Variants in CLPTM1 observed in about 807,000 individuals in gnomAD.
CLPTM1 encodes the protein putative lipid scramblase CLPTM1.
A neutral mutation model predicts 77.3 loss-of-function variants in CLPTM1; 21 were observed. That is an observed-to-expected ratio of 0.27 (90% confidence interval 0.19 to 0.39). The LOEUF is 0.39. CLPTM1 is among the 10% of genes least tolerant of loss of function. CLPTM1 has a pLI of 1.00. For synonymous variants in CLPTM1, 373 were observed against 381.0 expected (o/e 0.98, Z 0.24); for missense variants, 642 against 921.2 (o/e 0.70, Z 3.92).
At chr19:44,966,134 G>A (rs1268531262) in intron 2 of CLPTM1, among the ~76,000 whole-genome samples, 8 of 152,132 alleles carry the variant, frequency 5.3e-5, no homozygotes, top group Admixed American at 2.6e-4. Flanking sequence ...AATGTGGGCC[G>A]GGCGCGGTGG....
Position 44,990,780 on chromosome 19 carries a change from A to C in CLPTM1, c.1324-70A>C. 1 of 1,389,952 alleles carries C rather than the reference A, an allele frequency of 7.2e-7. No homozygotes were observed. Among genetic ancestry groups the C allele is most frequent in the Non-Finnish European group, 1.0e-6 (1 of 985,296 alleles). The allele number at this position is 1,389,952 out of a possible 1,614,324, so 86.1% of individuals were successfully genotyped here. A position where few individuals can be genotyped will look rare whatever the true frequency, so the allele number is the denominator to read the frequency against. On this transcript the variant is annotated intron_variant, in intron 10 of 13. Transcript: ENST00000337392. This position sits in a 1 kb window ranked among gnomAD's most constrained non-coding sequence, Gnocchi z 4.8. Reference sequence around the variant, plus strand: ...GGAACTGGGAACGGTGGGGAAGGGCAGGGGCTGGTTCTGGCTTGTGGGGTG... The same window carrying C: ...GGAACTGGGAACGGTGGGGAAGGGCCGGGGCTGGTTCTGGCTTGTGGGGTG...
intron 1 of CLPTM1, among the ~76,000 whole-genome samples, chr19:44,961,671 C>T (rs1970545059): frequency 1.3e-5 from 2 of 152,192 alleles, no homozygotes; most frequent in Non-Finnish European, 2.9e-5. Context: ...CCGTTCTGGA[C>T]AGTCACTGTC....
At chr19:44,977,010 C>G (rs1313878711) in intron 4 of CLPTM1, among the ~76,000 whole-genome samples, 1 of 152,172 alleles carries the variant, frequency 6.6e-6, no homozygotes, top group Non-Finnish European at 1.5e-5. Flanking sequence ...AACGAGAGCT[C>G]GTTGACTGAG....
Position 44,992,245 on chromosome 19 carries a change from T to C in CLPTM1, c.1568T>C (p.Met523Thr). The change falls in exon 13 of 14, where the codon ATG (methionine) becomes ACG (threonine). Residue 523 changes from methionine (M) to threonine (T), a missense_variant. Met to Thr is a moderately conservative substitution (Grantham distance 81). Coordinates refer to ENST00000337392, the MANE Select transcript of CLPTM1 (RefSeq NM_001294.4). The surrounding 1 kb of genome is among the most constrained non-coding windows in gnomAD (Gnocchi z 7.7). Reference protein sequence around the residue: ...GFLLTFGFITMTPQLFINYKL... With the variant: ...GFLLTFGFITTTPQLFINYKL... Reference sequence around the variant, plus strand: ...GCTCTCACTGCAGGCTTCATCACCATGACGCCCCAGCTCTTCATCAACTAC... The same window carrying C: ...GCTCTCACTGCAGGCTTCATCACCACGACGCCCCAGCTCTTCATCAACTAC... 2 of 1,614,036 alleles carry C rather than the reference T, an allele frequency of 1.2e-6. No homozygotes were observed. The highest frequency in any genetic ancestry group is 1.7e-6 in the Non-Finnish European group (2 of 1,179,950).
In CLPTM1 at chr19:44,992,422, G is replaced by A; in HGVS notation, c.1723+22G>A. ...GACGGTGAGGCCCGGTGGGCAGGTG[G>A]GAGCTCCCACCGGAACAGGGCCCTG... On this transcript the variant is annotated intron_variant, in intron 13 of 13. Transcript: ENST00000337392. This position sits in a 1 kb window ranked among gnomAD's most constrained non-coding sequence, Gnocchi z 7.7. The A allele has an allele frequency of 6.2e-7, 1 of 1,613,816 alleles. No homozygotes were observed. The highest frequency in any genetic ancestry group is 8.5e-7 in the Non-Finnish European group (1 of 1,179,848).
At chr19:44,984,675 A>G (rs1970950565) in intron 5 of CLPTM1, 1 of 153,088 alleles carries the variant, frequency 6.5e-6, no homozygotes, top group East Asian at 1.9e-4. Context: ...GTTTTTATTT[A>G]TTTGTTTGTT....
At chr19:44,956,168 T>C (rs1200602060) in intron 1 of CLPTM1, among the ~76,000 whole-genome samples, 1 of 152,142 alleles carries the variant, frequency 6.6e-6, no homozygotes, top group African/African-American at 2.4e-5. Flanking sequence ...GGGGAATAGA[T>C]GGAGAGACAT....
intron 5 of CLPTM1, 75 bp downstream of exon 5, chr19:44,977,535 G>C: frequency 8.7e-7 from 1 of 1,148,542 alleles, no homozygotes. Context: ...CTAATGTGGC[G>C]GACAAATCCC....
intron 1 of CLPTM1, among the ~76,000 whole-genome samples, chr19:44,960,409 G>C (rs568345288): frequency 1.4e-4 from 21 of 152,322 alleles, no homozygotes; most frequent in African/African-American, 5.1e-4. Flanking sequence ...AAATGTTCCA[G>C]TATTTTCACA....
chr19:44,982,327 C>T (rs944817596), intron 5 of CLPTM1, among the ~76,000 whole-genome samples: 4 of 149,212 alleles, frequency 2.7e-5, no homozygotes, highest in South Asian at 2.1e-4. Flanking sequence ...CTAGTCTGGG[C>T]GACAGAGCGA....
rs759806597 is a variant in CLPTM1 at position 44,990,017 on chromosome 19, G to A, written c.1133-378G>A. ...CACCATGGTGTGGCACAGACCCCGC[G>A]TCCCTTCAGATTCTGCCATGCCAGG... On this transcript the variant is annotated intron_variant, in intron 9 of 13. Coordinates refer to ENST00000337392, the MANE Select transcript of CLPTM1 (RefSeq NM_001294.4). This position sits in a 1 kb window ranked among gnomAD's most constrained non-coding sequence, Gnocchi z 4.8. 6 of 219,332 alleles carry A rather than the reference G, an allele frequency of 2.7e-5. No homozygotes were observed. Among genetic ancestry groups the A allele is most frequent in the East Asian group, 1.1e-4 (1 of 9,434 alleles). 13.6% of individuals were successfully genotyped at this position (219,332 alleles called of 1,614,324 possible). A position where few individuals can be genotyped will look rare whatever the true frequency, so the allele number is the denominator to read the frequency against.
Position 44,978,513 on chromosome 19 carries a change from G to A in CLPTM1, c.586+1053G>A, listed in dbSNP as rs1600032635. On this transcript the variant is annotated intron_variant, in intron 5 of 13. Transcript: ENST00000337392. The stretch of plus-strand genomic sequence containing the variant: ...CCAGGTATGGTGGTGAGCACCTGTG[G>A]TTCCAGCTACATGGGAGGCTGAGGT... Among the ~76,000 whole-genome samples, 3 of 152,258 alleles carry A rather than the reference G, an allele frequency of 2.0e-5. No homozygotes were observed. The South Asian group carries it at 6.2e-4, about 32-fold the overall frequency.
At chr19:44,975,659 G>A (rs1970795275) in intron 4 of CLPTM1, among the ~76,000 whole-genome samples, 1 of 152,108 alleles carries the variant, frequency 6.6e-6, no homozygotes, top group Non-Finnish European at 1.5e-5. Flanking sequence ...CACCTCCCAG[G>A]TTCAAGCGAT....
chr19:44,974,441 C>T lies in CLPTM1; in HGVS notation c.312C>T (p.Asn104=), dbSNP rs1970773031. Residue 104 remains asparagine (N), a splice_region_variant and synonymous_variant, in exon 4 of 14, where the codon AAC becomes AAT. Coordinates refer to ENST00000337392, the MANE Select transcript of CLPTM1 (RefSeq NM_001294.4). Reference sequence around the variant, plus strand: ...CTGTTCCCTTCCTGTCCCAACAGAACCTGCATGTGTACATCTCAGAGCACG... The same window carrying T: ...CTGTTCCCTTCCTGTCCCAACAGAATCTGCATGTGTACATCTCAGAGCACG... ...RNLFPKDTLM[N]LHVYISEHEH... The T allele has an allele frequency of 1.2e-6, 2 of 1,611,658 alleles. No homozygotes were observed. The highest frequency in any genetic ancestry group is 2.7e-5 in the African/African-American group (2 of 74,886).
At chr19:44,978,280 C>T (rs1970837513) in intron 5 of CLPTM1, among the ~76,000 whole-genome samples, 1 of 152,048 alleles carries the variant, frequency 6.6e-6, no homozygotes, top group Non-Finnish European at 1.5e-5. Context: ...TAGCATGCTC[C>T]TGTAGTCCCA....
chr19:44,968,706 A>G (rs918453670), intron 2 of CLPTM1, among the ~76,000 whole-genome samples: 2 of 152,192 alleles, frequency 1.3e-5, no homozygotes, highest in Non-Finnish European at 2.9e-5. Flanking sequence ...ATGGGGATCT[A>G]GAAGCCCAGA....
At chr19:44,987,765 C>T (rs1600045296) in intron 8 of CLPTM1, 1 of 549,902 alleles carries the variant, frequency 1.8e-6, no homozygotes, top group African/African-American at 1.9e-5. Context: ...GTGTCTGTGG[C>T]GTGAGGCTCG....
chr19:44,965,859 A>G (rs1970620390), intron 2 of CLPTM1, among the ~76,000 whole-genome samples: 1 of 152,226 alleles, frequency 6.6e-6, no homozygotes, highest in Non-Finnish European at 1.5e-5. Context: ...TCCTTTGGCT[A>G]GAATGTCTTC....
At chr19:44,956,819 A>C (rs1251123028) in intron 1 of CLPTM1, among the ~76,000 whole-genome samples, 1 of 152,164 alleles carries the variant, frequency 6.6e-6, no homozygotes, top group Non-Finnish European at 1.5e-5. Flanking sequence ...ATCAAGAGTT[A>C]CCCCTTTGCC....
Sources: gnomAD v4.1 joint callset for allele counts (sites outside exome capture counted in the v4.1 genomes callset) on GRCh38, gnomAD v4.1.1 for gene constraint, Gnocchi (gnomAD v3.1) non-coding constraint, MANE v1.5 for transcripts, NCBI Gene and HGNC (gene_info 2026-07-23, HGNC 2026-07-21) for gene names.